Variants in EPB41 observed in about 807,000 individuals in gnomAD.
EPB41 encodes erythrocyte membrane protein band 4.1.
EPB41 carries 65 observed loss-of-function variants against 108.0 expected under a neutral mutation model. The observed-to-expected ratio is 0.60, with a 90% CI of 0.49 to 0.74. The LOEUF is 0.74. Ranked by LOEUF, EPB41 falls within the 30% of genes least tolerant of loss-of-function variation. The pLI, the probability that EPB41 is intolerant of heterozygous loss-of-function variation, is 0.00. For synonymous variants in EPB41, 336 were observed against 358.9 expected (o/e 0.94, Z 0.72); for missense variants, 875 against 1,037.0 (o/e 0.84, Z 2.15).
intron 1 of EPB41, among the ~76,000 whole-genome samples, chr1:28,902,891 C>A (rs987466662): frequency 6.6e-6 from 1 of 152,074 alleles, no homozygotes; most frequent in Non-Finnish European, 1.5e-5. Flanking sequence ...GAGATAAAGA[C>A]GCCTACTTGA....
upstream of EPB41, among the ~76,000 whole-genome samples, chr1:28,912,420 A>G (rs2092303961): frequency 6.6e-6 from 1 of 152,060 alleles, no homozygotes; most frequent in Admixed American, 6.6e-5. Flanking sequence ...TCAAATGGAC[A>G]ATTTACATAA....
intron 19 of EPB41, among the ~76,000 whole-genome samples, chr1:29,113,179 A>G (rs1451744061): frequency 6.6e-6 from 1 of 152,202 alleles, no homozygotes. Flanking sequence ...CAATTAGCAA[A>G]TAATAAGGTC....
intron 16 of EPB41, among the ~76,000 whole-genome samples, chr1:29,080,952 A>C (rs952258640): frequency 6.6e-6 from 1 of 152,214 alleles, no homozygotes; most frequent in Admixed American, 6.5e-5. Flanking sequence ...TCATTAAGGA[A>C]GTAGGAGTTA....
In EPB41 at chr1:28,887,193, C is replaced by G; in HGVS notation, c.-25C>G. The G allele has an allele frequency of 7.9e-7, 1 of 1,268,760 alleles. No individual in the cohort carries two copies. The highest frequency in any genetic ancestry group is 1.0e-6 in the Non-Finnish European group (1 of 970,838). The allele number at this position is 1,268,760 out of a possible 1,614,324, so 78.6% of individuals were successfully genotyped here. A position where few individuals can be genotyped will look rare whatever the true frequency, so the allele number is the denominator to read the frequency against. ...AGCCAGAACGCGGTCGGCCCGGTCCCCGCCGCACCCAGCCCAGGTGAGCCT... is the reference window on the plus strand; with the variant it reads ...AGCCAGAACGCGGTCGGCCCGGTCCGCGCCGCACCCAGCCCAGGTGAGCCT... On this transcript the variant is annotated 5_prime_UTR_variant, in exon 1 of 17. Transcript: ENST00000347529. The surrounding 1 kb of genome is among the most constrained non-coding windows in gnomAD (Gnocchi z 4.9).
At chr1:29,013,253 A>C (rs2096531173) in intron 5 of EPB41, among the ~76,000 whole-genome samples, 3 of 151,716 alleles carry the variant, frequency 2.0e-5, no homozygotes, top group Non-Finnish European at 4.4e-5. Flanking sequence ...TGAATCAGGG[A>C]GTCGGAGGTG....
At chr1:28,905,013 A>G (rs1003839566) in intron 1 of EPB41, among the ~76,000 whole-genome samples, 4 of 143,566 alleles carry the variant, frequency 2.8e-5, no homozygotes, top group Non-Finnish European at 4.5e-5. Context: ...CCTGGGCGAC[A>G]GAACGAGACT....
intron 3 of EPB41, among the ~76,000 whole-genome samples, chr1:28,994,308 A>T (rs1375549218): frequency 1.3e-5 from 2 of 151,954 alleles, no homozygotes; most frequent in Non-Finnish European, 2.9e-5. Context: ...AGTAGCTGGG[A>T]CTACAGGCAC....
intron 1 of EPB41, among the ~76,000 whole-genome samples, chr1:28,921,961 T>TATATATAC (rs770764638): frequency 0.016 from 1,807 of 109,818 alleles, 34 homozygotes; most frequent in South Asian, 0.037. Flanking sequence ...TATATATATA[T>TATATATAC]ACACTTTTTT....
At chr1:29,068,834 A>G (rs993273321) in intron 16 of EPB41, 21 of 1,207,818 alleles carry the variant, frequency 1.7e-5, no homozygotes, top group Non-Finnish European at 2.2e-5. Context: ...TGCTCTTGTC[A>G]TGGCACTAAG....
At chr1:29,030,911 C>T (rs907471134) in intron 8 of EPB41, among the ~76,000 whole-genome samples, 3 of 152,096 alleles carry the variant, frequency 2.0e-5, no homozygotes, top group African/African-American at 7.2e-5. Context: ...CAAGCTCCGC[C>T]TCCCAGGTTC....
chr1:28,940,422 T>C (rs1208758920), intron 1 of EPB41, among the ~76,000 whole-genome samples: 1 of 152,022 alleles, frequency 6.6e-6, no homozygotes, highest in Non-Finnish European at 1.5e-5. Context: ...GAGGCCGAGG[T>C]GGGCGGATCA....
chr1:29,058,747 C>G, intron 13 of EPB41, 64 bp from the exon 14 acceptor site: 1 of 1,528,274 alleles, frequency 6.5e-7, no homozygotes, highest in Non-Finnish European at 8.9e-7. Flanking sequence ...AATGAAGGTT[C>G]AAACAAACTT....
At chr1:29,014,920 A>C (rs1375649348) in intron 5 of EPB41, among the ~76,000 whole-genome samples, 2 of 151,034 alleles carry the variant, frequency 1.3e-5, no homozygotes, top group African/African-American at 4.9e-5. Context: ...CTGAGGTGGG[A>C]GTATCGCATG....
rs1302600522 is a variant in EPB41, at chr1:29,113,653, AATTGGTT to A, written c.2496+1208_2496+1214del. Among the ~76,000 whole-genome samples, 13 of 152,322 alleles carry A rather than the reference AATTGGTT, an allele frequency of 8.5e-5. No individual in the cohort carries two copies. The East Asian group carries it at 2.5e-3, about 29-fold the overall frequency. On this transcript the variant is annotated intron_variant, in intron 19 of 20. Transcript: ENST00000343067. The stretch of plus-strand genomic sequence containing the variant: ...GGGCTGAATCCTGACTCTGCGACCT[AATTGGTT>A]ATATGTCCTTGAGCAACTTATATTA...
chr1:28,940,339 T>C lies in EPB41; in HGVS notation c.-8+25571T>C, dbSNP rs561217301. On this transcript the variant is annotated intron_variant, in intron 1 of 20. Transcript: ENST00000343067. ...ATGGTTGAAGTAACCAGTTTTGATA[T>C]TATGTTTGATAGGTGCAAAAATTAG... Among the ~76,000 whole-genome samples, 3 of 152,250 alleles carry C rather than the reference T, an allele frequency of 2.0e-5. No individual in the cohort carries two copies. In the East Asian group the frequency reaches 5.8e-4, roughly 29 times the overall value.
rs189596258 is a variant in EPB41 at position 28,934,363 on chromosome 1, C to G, written c.-8+19595C>G. On this transcript the variant is annotated intron_variant, in intron 1 of 20. Coordinates refer to ENST00000343067, the MANE Select transcript of EPB41 (RefSeq NM_001376013.1). Reference sequence around the variant, plus strand: ...TCTCTGCTGTAAAGATACTTTCCCCCCTTTTCCATACTGTACTCTTTAGAT... The same window carrying G: ...TCTCTGCTGTAAAGATACTTTCCCCGCTTTTCCATACTGTACTCTTTAGAT... 1.8e-3 allele frequency among the ~76,000 whole-genome samples: 281 copies of G among 152,204 alleles called. 1 individual carries two copies. The highest frequency in any genetic ancestry group is 3.0e-3 in the Non-Finnish European group (201 of 68,012).
chr1:29,101,985 T>C (rs1049695201), intron 17 of EPB41, among the ~76,000 whole-genome samples: 2 of 152,006 alleles, frequency 1.3e-5, no homozygotes, highest in African/African-American at 4.8e-5. Flanking sequence ...AGAACTGAAG[T>C]GTCTGAGGAA....
At chr1:28,952,519 C>A (rs2148988801) in intron 1 of EPB41, among the ~76,000 whole-genome samples, 1 of 151,954 alleles carries the variant, frequency 6.6e-6, no homozygotes, top group South Asian at 2.1e-4. Flanking sequence ...GAGCAAAACT[C>A]CATTGCAAAA....
intron 10 of EPB41, among the ~76,000 whole-genome samples, chr1:29,037,172 C>T (rs1418039766): frequency 6.6e-6 from 1 of 152,148 alleles, no homozygotes; most frequent in Admixed American, 6.5e-5. Flanking sequence ...GCTCACTGCT[C>T]CTGGGTTCCA....
Sources: allele counts gnomAD v4.1 joint callset (sites outside exome capture counted in the v4.1 genomes callset), GRCh38; gene constraint gnomAD v4.1.1; non-coding constraint Gnocchi (gnomAD v3.1); transcripts MANE v1.5; gene names NCBI Gene and HGNC (gene_info 2026-07-23, HGNC 2026-07-21).